The following TAFA4 variants were observed in gnomAD, a reference collection of about 807,000 sequenced individuals.
TAFA4 encodes the protein chemokine-like protein TAFA-4.
A neutral mutation model predicts 21.1 loss-of-function variants in TAFA4; 20 were observed. The observed-to-expected ratio is 0.95, with a 90% confidence interval of 0.67 to 1.38. The LOEUF (loss-of-function observed/expected upper bound fraction) is 1.38. TAFA4 is among the 40% of genes most tolerant of loss of function. The probability of loss-of-function intolerance (pLI) is 0.00; values close to 1 mark genes in which losing one functional copy is unlikely to be tolerated. For synonymous variants in TAFA4, 71 were observed against 67.4 expected, an observed-to-expected ratio of 1.05 and a Z score of -0.26; for missense variants, 211 against 180.9, an observed-to-expected ratio of 1.17 and a Z score of -0.95.
At chr3:68,795,820 G>T (rs1332397016) in intron 3 of TAFA4, among the ~76,000 whole-genome samples, 1 of 152,128 alleles carries the variant, frequency 6.6e-6, no homozygotes, top group Non-Finnish European at 1.5e-5. Context: ...TGTAGTCTTT[G>T]CTGTCTGAGT....
rs566113981 is a variant in TAFA4, at chr3:68,770,963, A to G, written c.131-17945T>C. Reference sequence around the variant, plus strand: ...CACACACACAAGCGGCTGGACATCAAGAGGAGCAGGACACACCAGCAGACA... The same window carrying G: ...CACACACACAAGCGGCTGGACATCAGGAGGAGCAGGACACACCAGCAGACA... On this transcript the variant is annotated intron_variant, in intron 3 of 5. Transcript: ENST00000295569. 2.0e-5 allele frequency among the ~76,000 whole-genome samples: 3 copies of G among 152,296 alleles called. No individual in the cohort carries two copies. In the South Asian group the frequency reaches 6.2e-4, roughly 32 times the overall value.
intron 3 of TAFA4, among the ~76,000 whole-genome samples, chr3:68,754,936 C>T (rs1457171678): frequency 6.6e-6 from 1 of 152,174 alleles, no homozygotes; most frequent in Non-Finnish European, 1.5e-5. Flanking sequence ...TCCAGACTTA[C>T]CTGGTATTTT....
chr3:68,824,172 T>C (rs963000661), intron 3 of TAFA4, among the ~76,000 whole-genome samples: 8 of 152,176 alleles, frequency 5.3e-5, no homozygotes, highest in African/African-American at 1.7e-4. Flanking sequence ...TTGTGAATAC[T>C]TCCTATAATT....
At chr3:68,875,982 AAG>A (rs1392489321) in intron 3 of TAFA4, among the ~76,000 whole-genome samples, 1 of 152,180 alleles carries the variant, frequency 6.6e-6, no homozygotes, top group Non-Finnish European at 1.5e-5. Context: ...AAGTGAAATA[AAG>A]AGAGATAAAA....
At chr3:68,878,265 C>G (rs1384096103) in intron 3 of TAFA4, among the ~76,000 whole-genome samples, 1 of 152,186 alleles carries the variant, frequency 6.6e-6, no homozygotes, top group Non-Finnish European at 1.5e-5. Context: ...CACCCAAGTT[C>G]TCAACTTTCT....
chr3:68,736,581 A>G (rs944815041), intron 5 of TAFA4, among the ~76,000 whole-genome samples: 1 of 152,154 alleles, frequency 6.6e-6, no homozygotes, highest in African/African-American at 2.4e-5. Context: ...TGCATGAACT[A>G]TTTAAAGAAA....
In TAFA4 at chr3:68,904,671, G is replaced by A. The variant is rs184993464; in HGVS notation, c.-122-19361C>T. Among the ~76,000 whole-genome samples the A allele has an allele frequency of 4.6e-5, 7 of 152,284 alleles. No homozygotes were observed. In the East Asian group the frequency reaches 9.7e-4, roughly 21 times the overall value. ...GATCAAGACTGCTGATATGAGCAAC[G>A]GAAGCTGGATGCCACCAGGGGCTCC... On this transcript the variant is annotated intron_variant, in intron 1 of 5. Transcript: ENST00000295569.
chr3:68,760,829 G>A lies in TAFA4; in HGVS notation c.131-7811C>T, dbSNP rs1032600347. ...GCTTTTAATCAAGGAAGACATCGCAGTGTAGAAGACGATAGTAGCCATTTG... is the reference window on the plus strand; with the variant it reads ...GCTTTTAATCAAGGAAGACATCGCAATGTAGAAGACGATAGTAGCCATTTG... On this transcript the variant is annotated intron_variant, in intron 3 of 5. Coordinates refer to ENST00000295569, the MANE Select transcript of TAFA4 (RefSeq NM_182522.5). Among the ~76,000 whole-genome samples the A allele has an allele frequency of 4.6e-5, 7 of 152,196 alleles. No individual in the cohort carries two copies. The East Asian group carries it at 1.3e-3, about 29-fold the overall frequency.
intron 3 of TAFA4, among the ~76,000 whole-genome samples, chr3:68,862,338 A>G (rs1488788343): frequency 6.6e-6 from 1 of 152,168 alleles, no homozygotes; most frequent in African/African-American, 2.4e-5. Flanking sequence ...TGGTTACATT[A>G]AAACACTCCA....
chr3:68,824,147 G>A (rs11923837), intron 3 of TAFA4, among the ~76,000 whole-genome samples: 16,651 of 152,160 alleles, frequency 0.11, 1,030 homozygotes, highest in African/African-American at 0.16. Context: ...AAATCGTAAC[G>A]ACAACATAGA....
At chr3:68,810,433 G>A (rs752369709) in intron 3 of TAFA4, among the ~76,000 whole-genome samples, 1 of 152,140 alleles carries the variant, frequency 6.6e-6, no homozygotes, top group African/African-American at 2.4e-5. Flanking sequence ...TCAAAGAAAG[G>A]GGTGACAGAC....
intron 3 of TAFA4, among the ~76,000 whole-genome samples, chr3:68,814,924 C>G (rs1487270942): frequency 1.3e-5 from 2 of 152,170 alleles, no homozygotes; most frequent in Non-Finnish European, 2.9e-5. Flanking sequence ...TACTACAAGG[C>G]TACAGTAACC....
Position 68,931,192 on chromosome 3 carries a change from T to C in TAFA4, c.-123+1048A>G, listed in dbSNP as rs141276680. Among the ~76,000 whole-genome samples the C allele has an allele frequency of 2.1e-3, 318 of 152,078 alleles. 1 individual carries two copies. Among genetic ancestry groups the C allele is most frequent in the African/African-American group, 7.4e-3 (309 of 41,496 alleles). ...CACGGGGATCGCCTGTCACATCACA[T>C]CAACCTTGCTTGTCTCAGAGGGAAG... On this transcript the variant is annotated intron_variant, in intron 1 of 5. Transcript: ENST00000295569.
At chr3:68,771,331 T>C (rs923216609) in intron 3 of TAFA4, among the ~76,000 whole-genome samples, 1 of 152,208 alleles carries the variant, frequency 6.6e-6, no homozygotes, top group Admixed American at 6.5e-5. Context: ...GAACATACTG[T>C]AACACACATC....
chr3:68,754,664 G>C (rs1225938105), intron 3 of TAFA4, among the ~76,000 whole-genome samples: 1 of 152,112 alleles, frequency 6.6e-6, no homozygotes, highest in Non-Finnish European at 1.5e-5. Context: ...TAAGCATTTT[G>C]AGGGAGATAT....
intron 4 of TAFA4, among the ~76,000 whole-genome samples, chr3:68,741,139 G>A (rs937066082): frequency 1.3e-5 from 2 of 152,154 alleles, no homozygotes; most frequent in Non-Finnish European, 2.9e-5. Flanking sequence ...GTCTTTTGTG[G>A]TTCTATATGA....
At chr3:68,855,827 C>T (rs1368380365) in intron 3 of TAFA4, among the ~76,000 whole-genome samples, 1 of 152,074 alleles carries the variant, frequency 6.6e-6, no homozygotes, top group Non-Finnish European at 1.5e-5. Flanking sequence ...GTTCTGACCA[C>T]CGAATGCCGT....
chr3:68,812,332 C>T (rs1703860927), intron 3 of TAFA4, among the ~76,000 whole-genome samples: 1 of 152,096 alleles, frequency 6.6e-6, no homozygotes, highest in Admixed American at 6.6e-5. Context: ...CAATATTAAC[C>T]TTAAATGTAA....
At chr3:68,927,984 T>C (rs2090125405) in intron 1 of TAFA4, among the ~76,000 whole-genome samples, 1 of 152,164 alleles carries the variant, frequency 6.6e-6, no homozygotes, top group African/African-American at 2.4e-5. Context: ...TACCACAATC[T>C]CATAAAAGGA....
Sources: allele counts gnomAD v4.1 joint callset (sites outside exome capture counted in the v4.1 genomes callset), GRCh38; gene constraint gnomAD v4.1.1; transcripts MANE v1.5; gene names NCBI Gene and HGNC (gene_info 2026-07-23, HGNC 2026-07-21).